Variants in UBTF observed in about 807,000 individuals in gnomAD.
UBTF encodes upstream binding transcription factor, also known as nucleolar transcription factor 1.
Under a neutral mutation model 112.3 loss-of-function variants are expected in UBTF, and 8 were observed. The observed-to-expected ratio is 0.07, with a 90% CI of 0.04 to 0.13. The LOEUF (loss-of-function observed/expected upper bound fraction) is 0.13. Ranked by LOEUF, UBTF falls within the 10% of genes least tolerant of loss-of-function variation. The probability of loss-of-function intolerance (pLI) is 1.00; values close to 1 mark genes in which losing one functional copy is unlikely to be tolerated. For missense variants in UBTF, 457 were observed against 982.1 expected, an observed-to-expected ratio of 0.47 and a Z score of 7.15; for synonymous variants, 417 against 373.1, an observed-to-expected ratio of 1.12 and a Z score of -1.36.
upstream of UBTF, among the ~76,000 whole-genome samples, chr17:44,220,130 C>T (rs1481536652): frequency 7.2e-6 from 1 of 138,440 alleles, no homozygotes; most frequent in Non-Finnish European, 1.6e-5. Context: ...GCCCGGATGG[C>T]GGCGGGGCTC....
rs1050894484 is a variant in UBTF at position 44,207,888 on chromosome 17, T to C, written c.1929A>G (p.Ala643=). 1 of 1,613,862 alleles carries C rather than the reference T, an allele frequency of 6.2e-7. No homozygotes were observed. Among genetic ancestry groups the C allele is most frequent in the Non-Finnish European group, 8.5e-7 (1 of 1,180,022 alleles). The change falls in exon 18 of 21, where the codon GCA becomes GCG. Residue 643 remains alanine (A), a synonymous_variant. Transcript: ENST00000436088. ...CATTGGAGATGTACTCTTTATATGC[T>C]GCACGGTCCTGGGGAGACAGGCTCT... is the stretch of plus-strand genomic sequence containing the variant. The part of the protein sequence containing the change: ...WVKSLSPQDR[A]AYKEYISNKR...
upstream of UBTF, among the ~76,000 whole-genome samples, chr17:44,220,468 C>G (rs1044252377): frequency 6.6e-6 from 1 of 151,932 alleles, no homozygotes; most frequent in Non-Finnish European, 1.5e-5. Flanking sequence ...GTGCCTACCT[C>G]GCGGTCCTCT....
At chr17:44,215,592 C>G in intron 5 of UBTF, 62 bp downstream of exon 5, 1 of 1,598,958 alleles carries the variant, frequency 6.3e-7, no homozygotes, top group South Asian at 1.1e-5. Flanking sequence ...TCCAACTGAC[C>G]CACACCACAC....
upstream of UBTF, among the ~76,000 whole-genome samples, chr17:44,220,196 A>G (rs367811214): frequency 3.3e-5 from 5 of 151,726 alleles, no homozygotes; most frequent in Admixed American, 6.5e-5. Context: ...CCGCGGGGGA[A>G]CTAGCAGGCT....
In UBTF at chr17:44,205,493, TA is replaced by T. The variant is rs1244782588; in HGVS notation, c.*1748del. The stretch of plus-strand genomic sequence containing the variant: ...AATAGAACCTATAAACCCCTGTACT[TA>T]ATTCCAGGATTAGGACAAAGGAAGG... On this transcript the variant is annotated 3_prime_UTR_variant, in exon 21 of 21. Coordinates refer to ENST00000436088, the MANE Select transcript of UBTF (RefSeq NM_014233.4). 1 of 152,262 alleles carries T rather than the reference TA, an allele frequency of 6.6e-6. No homozygotes were observed. Among genetic ancestry groups the T allele is most frequent in the Non-Finnish European group, 1.5e-5 (1 of 68,058 alleles). 9.4% of individuals were successfully genotyped at this position (152,262 alleles called of 1,614,324 possible).
chr17:44,210,414 C>T lies in UBTF; in HGVS notation c.1419G>A (p.Gly473=). The change falls in exon 14 of 21, where the codon GGG becomes GGA. Residue 473 remains glycine (G), a synonymous_variant. Transcript: ENST00000436088. Reference sequence around the variant, plus strand: ...GCAGCTTGCCCCGTTCCTCGCGCTCCCCGCCGGGCTTCCTCTCCGACTGAG... The same window carrying T: ...GCAGCTTGCCCCGTTCCTCGCGCTCTCCGCCGGGCTTCCTCTCCGACTGAG... ...LKAQSERKPG[G]EREERGKLPE... is the part of the protein sequence containing the mutation. 1 of 1,614,128 alleles carries T rather than the reference C, an allele frequency of 6.2e-7. No homozygotes were observed. Among genetic ancestry groups the T allele is most frequent in the Non-Finnish European group, 8.5e-7 (1 of 1,180,040 alleles).
chr17:44,212,312 C>A, intron 8 of UBTF, 32 bp downstream of exon 8: 1 of 1,581,080 alleles, frequency 6.3e-7, no homozygotes, highest in East Asian at 2.2e-5. Flanking sequence ...TCGTGAAGAG[C>A]CGGACGGGGA....
chr17:44,218,433 T>C lies in UBTF; in HGVS notation c.-67-137A>G, dbSNP rs966456341. On this transcript the variant is annotated intron_variant, in intron 1 of 20. Transcript: ENST00000436088. The stretch of plus-strand genomic sequence containing the variant: ...ATGACCTTATTAGACTTAAGGGGTC[T>C]ATGGGAATGGGAGTGCGCCCCTCCT... 2.7e-5 allele frequency: 15 copies of C among 564,242 alleles called. No individual in the cohort carries two copies. The Admixed American group carries it at 4.9e-4, about 19-fold the overall frequency. The allele number at this position is 564,242 out of a possible 1,614,324, so 35.0% of individuals were successfully genotyped here.
At position 44,206,588 on chromosome 17, in the gene UBTF, C is replaced by T. The variant is rs1438597712; in HGVS notation, c.*654G>A. 3 of 149,044 alleles carry T rather than the reference C, an allele frequency of 2.0e-5. No homozygotes were observed. In the East Asian group the frequency reaches 5.9e-4, roughly 29 times the overall value. The allele number at this position is 149,044 out of a possible 1,614,324, so 9.2% of individuals were successfully genotyped here. A position where few individuals can be genotyped will look rare whatever the true frequency, so the allele number is the denominator to read the frequency against. ...CAGAAATGACAACAGAGACGGCAGC[C>T]GAGATCGGTAGGAAACGTCTCGTTG... On this transcript the variant is annotated 3_prime_UTR_variant, in exon 21 of 21. Transcript: ENST00000436088.
At chr17:44,215,409 C>T in intron 5 of UBTF, 1 of 524,646 alleles carries the variant, frequency 1.9e-6, no homozygotes, top group Non-Finnish European at 3.4e-6. Context: ...TGTGGGTTTT[C>T]TGTAGGGGGA....
chr17:44,212,749 C>T (rs950353294), intron 7 of UBTF, 70 bp downstream of exon 7: 29 of 1,591,494 alleles, frequency 1.8e-5, no homozygotes, highest in Admixed American at 8.5e-5. Context: ...CGTGCCCGGC[C>T]GACCTGGCGC....
In UBTF at chr17:44,218,212, G is replaced by C. The variant is rs762350712; in HGVS notation, c.18C>G (p.Asp6Glu). Reference protein sequence around the residue: MNGEADCPTDLEMAAP... With the variant: MNGEAECPTDLEMAAP... ...CGGCCATTTCCAGGTCTGTGGGGCA[G>C]TCGGCTTCTCCGTTCATCCTCCAGC... The change falls in exon 2 of 21, where the codon GAC becomes GAG. Residue 6 changes from aspartate (D) to glutamate (E), a missense_variant. Physicochemically the swap from Asp to Glu is conservative, Grantham distance 45 (BLOSUM62 2). Coordinates refer to ENST00000436088, the MANE Select transcript of UBTF (RefSeq NM_014233.4). 5 of 1,612,110 alleles carry C rather than the reference G, an allele frequency of 3.1e-6. No homozygotes were observed. The African/African-American group carries it at 6.7e-5, about 22-fold the overall frequency.
In UBTF at chr17:44,215,996, G is replaced by T; in HGVS notation, c.235-7C>A. 1 of 1,612,196 alleles carries T rather than the reference G, an allele frequency of 6.2e-7. No individual in the cohort carries two copies. Among genetic ancestry groups the T allele is most frequent in the Non-Finnish European group, 8.5e-7 (1 of 1,178,294 alleles). On this transcript the variant is annotated splice_polypyrimidine_tract_variant and splice_region_variant and intron_variant, in intron 3 of 20. Coordinates refer to ENST00000436088, the MANE Select transcript of UBTF (RefSeq NM_014233.4). ...ATGTACGGAACTTCCTCACCTGGAG[G>T]AAGAGGGGTGGGAGGAAGGGGAAGT...
chr17:44,210,530 CCG>C, intron 13 of UBTF, 57 bp from the exon 14 acceptor site: 1 of 1,497,606 alleles, frequency 6.7e-7, no homozygotes, highest in South Asian at 1.3e-5. Flanking sequence ...CGCGCGCTCC[CCG>C]CGCAGCAGCC....
At chr17:44,209,266 A>C (rs2056497184) in intron 17 of UBTF, 86 bp downstream of exon 17, 3 of 1,397,800 alleles carry the variant, frequency 2.1e-6, no homozygotes, top group Admixed American at 2.4e-5. Context: ...ACCAGCCAGC[A>C]CAAGTGGGTG....
Position 44,205,443 on chromosome 17 carries a change from G to A in UBTF, c.*1799C>T, listed in dbSNP as rs2056193671. The A allele has an allele frequency of 6.6e-6, 1 of 152,402 alleles. No homozygotes were observed. The highest frequency in any genetic ancestry group is 2.4e-5 in the African/African-American group (1 of 41,446). The allele number at this position is 152,402 out of a possible 1,614,324, so 9.4% of individuals were successfully genotyped here. A position where few individuals can be genotyped will look rare whatever the true frequency, so the allele number is the denominator to read the frequency against. On this transcript the variant is annotated 3_prime_UTR_variant, in exon 21 of 21. Coordinates refer to ENST00000436088, the MANE Select transcript of UBTF (RefSeq NM_014233.4). ...AGGGGCATCCAAATAGGAAACTGGG[G>A]TTCTTTGCAGGGCTCTTGGGAAGAA...
chr17:44,212,538 G>A (rs879066247), intron 7 of UBTF, 84 bp from the exon 8 acceptor site: 34 of 1,052,370 alleles, frequency 3.2e-5, no homozygotes, highest in African/African-American at 1.9e-4. Flanking sequence ...AGAGGCCCCC[G>A]CCCCCTCAGG....
chr17:44,205,643 C>T lies in UBTF; in HGVS notation c.*1599G>A, dbSNP rs1446115882. 6.6e-6 allele frequency: 1 copy of T among 152,174 alleles called. No individual in the cohort carries two copies. Among genetic ancestry groups the T allele is most frequent in the Non-Finnish European group, 1.5e-5 (1 of 68,032 alleles). The allele number at this position is 152,174 out of a possible 1,614,324, so 9.4% of individuals were successfully genotyped here. The stretch of plus-strand genomic sequence containing the variant: ...CCACCAGCCTCTCTGGGACCAGGGC[C>T]CTTCACCGTTCTTGCTCCACCTCCG... On this transcript the variant is annotated 3_prime_UTR_variant, in exon 21 of 21. Coordinates refer to ENST00000436088, the MANE Select transcript of UBTF (RefSeq NM_014233.4).
chr17:44,216,154 G>T, intron 3 of UBTF, 165 bp from the exon 4 acceptor site: 1 of 659,790 alleles, frequency 1.5e-6, no homozygotes, highest in South Asian at 1.9e-5. Flanking sequence ...TGACACCCAG[G>T]CACTGGCCCA....
Sources: gnomAD v4.1 joint callset for allele counts (sites outside exome capture counted in the v4.1 genomes callset) on GRCh38, gnomAD v4.1.1 for gene constraint, MANE v1.5 for transcripts, NCBI Gene and HGNC (gene_info 2026-07-23, HGNC 2026-07-21) for gene names.